Variants in TTLL5 observed in about 807,000 individuals in gnomAD.
TTLL5 encodes tubulin tyrosine ligase like 5.
In TTLL5, 132 loss-of-function variants were observed where a neutral mutation model predicts 168.4. The ratio of observed to expected loss-of-function variants is 0.78; its 90% CI spans 0.68 to 0.91. The LOEUF (loss-of-function observed/expected upper bound fraction) is 0.91. TTLL5 is among the 40% of genes least tolerant of loss of function. The pLI is 0.00. For synonymous variants in TTLL5, 546 were observed against 558.6 expected, an observed-to-expected ratio of 0.98 and a Z score of 0.32; for missense variants, 1,545 against 1,581.5, an observed-to-expected ratio of 0.98 and a Z score of 0.39.
At position 75,806,551 on chromosome 14, in the gene TTLL5, A is replaced by G. The variant is rs145061943; in HGVS notation, c.3171+13451A>G. Reference sequence around the variant, plus strand: ...GAATTTCTGTTAGTCTCCATGCCTTATGCTATCTTCTCATGGAAAATGTTC... The same window carrying G: ...GAATTTCTGTTAGTCTCCATGCCTTGTGCTATCTTCTCATGGAAAATGTTC... On this transcript the variant is annotated intron_variant, in intron 27 of 31. Transcript: ENST00000298832. Among the ~76,000 whole-genome samples, 212 of 152,300 alleles carry G rather than the reference A, an allele frequency of 1.4e-3. 1 individual carries two copies. Among genetic ancestry groups the G allele is most frequent in the Non-Finnish European group, 1.9e-4 (13 of 68,018 alleles).
chr14:75,838,561 C>CA (rs976171634), intron 28 of TTLL5: 1,334 of 109,128 alleles, frequency 0.012, 17 homozygotes, highest in African/African-American at 0.035. Context: ...GACTCCGTCT[C>CA]AAAAAAAAAA....
chr14:75,888,337 T>C (rs569063339), intron 30 of TTLL5, among the ~76,000 whole-genome samples: 1 of 152,334 alleles, frequency 6.6e-6, no homozygotes, highest in South Asian at 2.1e-4. Context: ...ATTGGCATAA[T>C]TTAAATTAAA....
At chr14:75,837,359 T>C (rs1400547167) in intron 28 of TTLL5, 1 of 152,216 alleles carries the variant, frequency 6.6e-6, no homozygotes, top group Non-Finnish European at 1.5e-5. Flanking sequence ...GAAGCCACAA[T>C]GTCTTTTATG....
intron 7 of TTLL5, among the ~76,000 whole-genome samples, chr14:75,701,305 TC>T (rs1886254306): frequency 6.6e-6 from 1 of 152,218 alleles, no homozygotes. Flanking sequence ...GATTGTCTTT[TC>T]CCCTGCTATT....
In TTLL5 at chr14:75,745,138, T is replaced by G; in HGVS notation, c.1325T>G (p.Leu442Arg). ...GCCAGTGATGCGGAAATGAAAAACC[T>G]CGTGGGCTCAGCCCGGGAGAAAGGG... ...LSASDAEMKN[L>R]VGSAREKGPG... is the part of the protein sequence containing the mutation. Residue 442 changes from leucine to arginine, a missense_variant, in exon 16 of 32, where the codon CTC (leucine) becomes CGC (arginine). Leu to Arg is a moderately radical substitution (Grantham distance 102, BLOSUM62 -2). Coordinates refer to ENST00000298832, the MANE Select transcript of TTLL5 (RefSeq NM_015072.5). 2 of 1,614,012 alleles carry G rather than the reference T, an allele frequency of 1.2e-6. No homozygotes were observed. Among genetic ancestry groups the G allele is most frequent in the Non-Finnish European group, 1.7e-6 (2 of 1,179,904 alleles).
intron 27 of TTLL5, among the ~76,000 whole-genome samples, chr14:75,800,120 G>A (rs187529479): frequency 1.8e-3 from 280 of 152,198 alleles, no homozygotes; most frequent in African/African-American, 6.5e-3. Flanking sequence ...AGGTTTGGTC[G>A]TTTAACATAA....
intron 28 of TTLL5, among the ~76,000 whole-genome samples, chr14:75,857,642 C>CTT (rs371117692): frequency 1.5e-5 from 2 of 132,604 alleles, no homozygotes; most frequent in African/African-American, 2.8e-5. Flanking sequence ...TGATAGAATT[C>CTT]TTTTTTTTTT....
intron 31 of TTLL5, among the ~76,000 whole-genome samples, chr14:75,929,118 G>T (rs530627538): frequency 6.6e-6 from 1 of 151,862 alleles, no homozygotes; most frequent in South Asian, 2.1e-4. Flanking sequence ...AATTTCTGTG[G>T]ATCAGTGGTA....
chr14:75,952,744 G>A (rs934336488), intron 31 of TTLL5, among the ~76,000 whole-genome samples: 8 of 152,188 alleles, frequency 5.3e-5, no homozygotes, highest in African/African-American at 1.9e-4. Flanking sequence ...TATGTTAAGT[G>A]AAAGAAGCCA....
At chr14:75,836,853 A>G (rs1235949841) in intron 28 of TTLL5, among the ~76,000 whole-genome samples, 1 of 152,232 alleles carries the variant, frequency 6.6e-6, no homozygotes, top group Non-Finnish European at 1.5e-5. Context: ...ATAGACCATC[A>G]TGAAAATATG....
chr14:75,870,828 C>T (rs2030969298), intron 29 of TTLL5, among the ~76,000 whole-genome samples: 1 of 146,818 alleles, frequency 6.8e-6, no homozygotes, highest in African/African-American at 2.5e-5. Flanking sequence ...CGGAGTCTTG[C>T]TCTGTCGCCC....
At chr14:75,936,770 A>C (rs1313777871) in intron 31 of TTLL5, among the ~76,000 whole-genome samples, 1 of 152,150 alleles carries the variant, frequency 6.6e-6, no homozygotes, top group East Asian at 1.9e-4. Flanking sequence ...GATCAAGAGG[A>C]TGTGGAATTA....
intron 27 of TTLL5, among the ~76,000 whole-genome samples, chr14:75,806,276 C>A (rs1018168302): frequency 7.9e-5 from 12 of 152,284 alleles, no homozygotes; most frequent in African/African-American, 2.9e-4. Context: ...AGTGATCTGT[C>A]CGCTTCAGCC....
rs1892168323 is a variant in TTLL5 at position 75,783,287 on chromosome 14, C to T, written c.2743C>T (p.His915Tyr). Residue 915 changes from histidine (H) to tyrosine (Y), a missense_variant, in exon 26 of 32, where the codon CAT (histidine) becomes TAT (tyrosine). By Grantham distance (83) the His-to-Tyr change is moderately conservative. Coordinates refer to ENST00000298832, the MANE Select transcript of TTLL5 (RefSeq NM_015072.5). ...TSDLSPGPCH[H>Y]SSLSQIPSAI... ...TGACCTCTCTCCAGGGCCTTGCCAC[C>T]ATTCTTCTTTATCTCAAATTCCTTC... is the stretch of plus-strand genomic sequence containing the variant. The T allele has an allele frequency of 6.2e-7, 1 of 1,614,164 alleles. No homozygotes were observed. The highest frequency in any genetic ancestry group is 8.5e-7 in the Non-Finnish European group (1 of 1,180,012).
At chr14:75,895,681 CAAAAAT>C (rs1389285666) in intron 30 of TTLL5, among the ~76,000 whole-genome samples, 2 of 151,674 alleles carry the variant, frequency 1.3e-5, no homozygotes, top group Non-Finnish European at 2.9e-5. Context: ...AAACTGCACT[CAAAAAT>C]AAACTCTTAA....
At chr14:75,680,116 G>T (rs1301200433) in intron 3 of TTLL5, among the ~76,000 whole-genome samples, 1 of 152,188 alleles carries the variant, frequency 6.6e-6, no homozygotes, top group East Asian at 1.9e-4. Context: ...AAATTCTTCA[G>T]CAGAATTCTT....
chr14:75,854,183 T>C (rs891068498), intron 28 of TTLL5, among the ~76,000 whole-genome samples: 1 of 152,220 alleles, frequency 6.6e-6, no homozygotes, highest in Non-Finnish European at 1.5e-5. Flanking sequence ...CCTTGCGTCT[T>C]TTTCCAGTCG....
chr14:75,832,107 A>G (rs1895602011), intron 28 of TTLL5, among the ~76,000 whole-genome samples: 1 of 152,034 alleles, frequency 6.6e-6, no homozygotes, highest in Non-Finnish European at 1.5e-5. Context: ...ACACACCCCC[A>G]CCCCCACAGC....
At chr14:75,738,387 T>C (rs939908046) in intron 15 of TTLL5, among the ~76,000 whole-genome samples, 2 of 152,244 alleles carry the variant, frequency 1.3e-5, no homozygotes, top group Non-Finnish European at 2.9e-5. Context: ...GTTTGTACTC[T>C]CTGATGCAAT....
Sources: gnomAD v4.1 joint callset for allele counts (sites outside exome capture counted in the v4.1 genomes callset) on GRCh38, gnomAD v4.1.1 for gene constraint, MANE v1.5 for transcripts, NCBI Gene and HGNC (gene_info 2026-07-23, HGNC 2026-07-21) for gene names.